PHF24: variants seen among roughly 807,000 people sequenced by gnomAD.
PHF24 encodes Galpha inhibitory interacting protein.
A neutral mutation model predicts 42.6 loss-of-function variants in PHF24; 25 were observed. The observed-to-expected ratio is 0.59, with a 90% CI of 0.43 to 0.82. PHF24 has a LOEUF of 0.82. PHF24 is among the 40% of genes least tolerant of loss of function. The probability of loss-of-function intolerance (pLI) is 0.00; values close to 1 mark genes in which losing one functional copy is unlikely to be tolerated. For synonymous variants in PHF24, 185 were observed against 204.8 expected, an observed-to-expected ratio of 0.90 and a Z score of 0.83; for missense variants, 470 against 538.1, an observed-to-expected ratio of 0.87 and a Z score of 1.25.
At chr9:34,670,754 G>A in the PHF24 span, among the ~76,000 whole-genome samples, 1 of 152,116 alleles carries the variant, frequency 6.6e-6, no homozygotes, top group Non-Finnish European at 1.5e-5. Flanking sequence ...GTAGGAATGT[G>A]TCTCCTCCCT....
At chr9:34,971,167 C>A in intron 1 of PHF24, 128 bp from the exon 2 acceptor site, 1 of 904,380 alleles carries the variant, frequency 1.1e-6, no homozygotes. Flanking sequence ...CATGTGCTGT[C>A]TCCACCCCCA....
the PHF24 span, among the ~76,000 whole-genome samples, chr9:34,778,420 G>A: frequency 6.6e-6 from 1 of 152,180 alleles, no homozygotes; most frequent in African/African-American, 2.4e-5. Flanking sequence ...GAAATAAAAG[G>A]ATAGCATAAG....
the PHF24 span, among the ~76,000 whole-genome samples, chr9:34,920,544 C>T: frequency 6.6e-6 from 1 of 152,078 alleles, no homozygotes; most frequent in African/African-American, 2.4e-5. Flanking sequence ...AAAGAATATC[C>T]TCAGTATTTT....
At chr9:34,921,059 C>A in the PHF24 span, among the ~76,000 whole-genome samples, 17 of 152,078 alleles carry the variant, frequency 1.1e-4, no homozygotes. Flanking sequence ...GCTTCCTTGT[C>A]TCGTTCCAGA....
chr9:34,951,838 G>C, the PHF24 span, among the ~76,000 whole-genome samples: 11 of 152,216 alleles, frequency 7.2e-5, no homozygotes, highest in African/African-American at 1.7e-4. Context: ...AAGACTGAAG[G>C]CTCTGGATTC....
the PHF24 span, among the ~76,000 whole-genome samples, chr9:34,687,811 C>T: frequency 2.6e-5 from 4 of 152,180 alleles, no homozygotes; most frequent in South Asian, 2.1e-4. Context: ...TGCTGGGATG[C>T]GGGGCACGGG....
the PHF24 span, chr9:34,837,054 G>T: frequency 2.1e-6 from 1 of 471,146 alleles, no homozygotes; most frequent in Non-Finnish European, 4.4e-6. Flanking sequence ...ACTGCAAACA[G>T]CAATAGATCA....
chr9:34,727,023 G>A, the PHF24 span: 1 of 1,531,490 alleles, frequency 6.5e-7, no homozygotes, highest in Non-Finnish European at 8.8e-7. Flanking sequence ...TAACGATGGA[G>A]TGACATCTGC....
the PHF24 span, among the ~76,000 whole-genome samples, chr9:34,804,972 C>G: frequency 6.6e-6 from 1 of 152,148 alleles, no homozygotes; most frequent in Non-Finnish European, 1.5e-5. Flanking sequence ...AGTATACTAT[C>G]TATTGTGATT....
At chr9:34,757,985 A>C in the PHF24 span, among the ~76,000 whole-genome samples, 2 of 152,256 alleles carry the variant, frequency 1.3e-5, no homozygotes, top group East Asian at 3.9e-4. Flanking sequence ...GGACTGGGAC[A>C]TAGCCATATT....
chr9:34,935,006 G>A, the PHF24 span, among the ~76,000 whole-genome samples: 1 of 152,138 alleles, frequency 6.6e-6, no homozygotes, highest in African/African-American at 2.4e-5. Flanking sequence ...TATAGATAAA[G>A]GAAAGGACTG....
At chr9:34,972,488 C>T (rs745628243) in exon 3 of PHF24, 30 of 1,613,172 alleles carry the variant, frequency 1.9e-5, no homozygotes, top group Admixed American at 8.3e-5. Context: ...GCGGAGGTGA[C>T]GGAGATGGCC....
the PHF24 span, among the ~76,000 whole-genome samples, chr9:34,819,969 G>C: frequency 6.6e-6 from 1 of 151,760 alleles, no homozygotes; most frequent in African/African-American, 2.4e-5. Context: ...TTGATGCTGT[G>C]CTACTAGATG....
At chr9:34,881,455 T>G in the PHF24 span, among the ~76,000 whole-genome samples, 23 of 152,028 alleles carry the variant, frequency 1.5e-4, no homozygotes, top group South Asian at 2.1e-4. Flanking sequence ...AAAATTGATA[T>G]ACTGCTAGCA....
the PHF24 span, among the ~76,000 whole-genome samples, chr9:34,753,514 T>C: frequency 6.6e-6 from 1 of 152,072 alleles, no homozygotes; most frequent in South Asian, 2.1e-4. Context: ...TAAAAATATA[T>C]TCCATGCTCA....
intron 1 of PHF24, among the ~76,000 whole-genome samples, chr9:34,961,149 T>C (rs1431665169): frequency 6.6e-6 from 1 of 152,222 alleles, no homozygotes; most frequent in Non-Finnish European, 1.5e-5. Context: ...ATCACATTCA[T>C]GCAAATAGTT....
the PHF24 span, among the ~76,000 whole-genome samples, chr9:34,865,454 C>G: frequency 6.6e-6 from 1 of 151,912 alleles, no homozygotes; most frequent in Non-Finnish European, 1.5e-5. Flanking sequence ...ATCCCAGCCA[C>G]TCGGGAGGCT....
At chr9:34,757,472 G>A in the PHF24 span, among the ~76,000 whole-genome samples, 6 of 152,038 alleles carry the variant, frequency 3.9e-5, no homozygotes, top group African/African-American at 1.5e-4. Context: ...GTGCAAACAG[G>A]GATAATCTCC....
chr9:34,750,491 AAAATAAATAAATAAATAAATAAATAAAT>A, the PHF24 span, among the ~76,000 whole-genome samples: 2 of 142,156 alleles, frequency 1.4e-5, no homozygotes, highest in African/African-American at 2.6e-5. Flanking sequence ...CTCTATCTCA[AAAATAAATAAATAAATAAATAAATAAAT>A]AAATAAATAA....
Sources: gnomAD v4.1 joint callset for allele counts (sites outside exome capture counted in the v4.1 genomes callset) on GRCh38, gnomAD v4.1.1 for gene constraint, MANE v1.5 for transcripts, NCBI Gene and HGNC (gene_info 2026-07-23, HGNC 2026-07-21) for gene names.